PLXNA2: variants seen among roughly 807,000 people sequenced by gnomAD.
The protein encoded by PLXNA2 is plexin A2, also known as plexin-A2.
PLXNA2 carries 91 observed loss-of-function variants against 193.5 expected under a neutral mutation model. The observed-to-expected ratio is 0.47, with a 90% CI of 0.40 to 0.56. PLXNA2 has a LOEUF of 0.56. Ranked by LOEUF, PLXNA2 falls within the 20% of genes least tolerant of loss-of-function variation. The pLI is 0.00. For missense variants in PLXNA2, 1,995 were observed against 2,503.2 expected (o/e 0.80, Z 4.33); for synonymous variants, 997 against 1,027.3 (o/e 0.97, Z 0.56).
Position 208,234,572 on chromosome 1 carries a change from C to T in PLXNA2, c.-81+9071G>A, listed in dbSNP as rs568024545. Among the ~76,000 whole-genome samples, 27 of 152,234 alleles carry T rather than the reference C, an allele frequency of 1.8e-4. No individual in the cohort carries two copies. The South Asian group carries it at 3.7e-3, about 21-fold the overall frequency. On this transcript the variant is annotated intron_variant, in intron 1 of 31. Transcript: ENST00000367033. ...CCCAGACATCCTGCTAGGTTTTGAC[C>T]GATGATCAGTGCTACCAAGGATCTG...
intron 8 of PLXNA2, 125 bp downstream of exon 8, chr1:208,095,904 C>T (rs940226023): frequency 4.1e-6 from 3 of 735,378 alleles, no homozygotes; most frequent in African/African-American, 3.5e-5. Context: ...AAGTGTCAGG[C>T]CCCATGGGGA....
At chr1:208,043,481 A>G (rs1238768589) in intron 20 of PLXNA2, among the ~76,000 whole-genome samples, 2 of 152,228 alleles carry the variant, frequency 1.3e-5, no homozygotes, top group African/African-American at 4.8e-5. Flanking sequence ...AAAAAGTATC[A>G]TGATTGGGCC....
At chr1:208,221,836 T>C (rs569924279) in intron 1 of PLXNA2, among the ~76,000 whole-genome samples, 2 of 152,298 alleles carry the variant, frequency 1.3e-5, no homozygotes, top group Admixed American at 1.3e-4. Flanking sequence ...ATGCATGAGC[T>C]CTGAACTTAG....
At chr1:208,230,525 G>GGAGGAGAA (rs1198573461) in intron 1 of PLXNA2, 1 of 152,460 alleles carries the variant, frequency 6.6e-6, no homozygotes, top group Non-Finnish European at 1.5e-5. Flanking sequence ...GTCCTGAGGA[G>GGAGGAGAA]GAGGAGAAGA....
intron 4 of PLXNA2, among the ~76,000 whole-genome samples, chr1:208,141,927 T>C (rs1387122907): frequency 6.6e-6 from 1 of 152,236 alleles, no homozygotes; most frequent in Non-Finnish European, 1.5e-5. Context: ...TGGGGCCCTG[T>C]CTTGGGTCTG....
chr1:208,223,861 T>C (rs1671426299), intron 1 of PLXNA2, among the ~76,000 whole-genome samples: 2 of 152,196 alleles, frequency 1.3e-5, no homozygotes, highest in Non-Finnish European at 2.9e-5. Flanking sequence ...TTTTCTGATA[T>C]TGAATTTTCC....
intron 4 of PLXNA2, among the ~76,000 whole-genome samples, chr1:208,132,495 T>A (rs1230269085): frequency 6.6e-6 from 1 of 152,196 alleles, no homozygotes; most frequent in East Asian, 1.9e-4. Flanking sequence ...ATTTCAGTTT[T>A]GTTATCTGTT....
intron 12 of PLXNA2, among the ~76,000 whole-genome samples, chr1:208,074,542 G>A (rs1666083965): frequency 6.6e-6 from 1 of 152,212 alleles, no homozygotes; most frequent in African/African-American, 2.4e-5. Flanking sequence ...TCTACATGAA[G>A]CTGCCATAAA....
chr1:208,124,185 A>G (rs536030624), intron 4 of PLXNA2, among the ~76,000 whole-genome samples: 1 of 152,248 alleles, frequency 6.6e-6, no homozygotes, highest in East Asian at 1.9e-4. Flanking sequence ...CATGAACACA[A>G]AGAAGGGAAC....
chr1:208,195,081 G>C (rs1361643014), intron 3 of PLXNA2, among the ~76,000 whole-genome samples: 1 of 152,194 alleles, frequency 6.6e-6, no homozygotes, highest in Non-Finnish European at 1.5e-5. Flanking sequence ...GAAGAGGTAG[G>C]GGTGGGTGTC....
chr1:208,131,542 A>G (rs1668154108), intron 4 of PLXNA2, among the ~76,000 whole-genome samples: 1 of 152,174 alleles, frequency 6.6e-6, no homozygotes, highest in South Asian at 2.1e-4. Context: ...CTGGGGTGTC[A>G]TTCCGGGGCC....
intron 12 of PLXNA2, among the ~76,000 whole-genome samples, chr1:208,075,268 C>G (rs190931620): frequency 8.2e-4 from 124 of 151,716 alleles, no homozygotes; most frequent in African/African-American, 3.0e-3. Flanking sequence ...CAAGATCACA[C>G]CACTGCACTT....
At chr1:208,227,737 C>T (rs1671557622) in intron 1 of PLXNA2, among the ~76,000 whole-genome samples, 2 of 152,132 alleles carry the variant, frequency 1.3e-5, no homozygotes, top group Non-Finnish European at 2.9e-5. Context: ...AGCTTGGCAG[C>T]CGCCTTTCAG....
At chr1:208,092,266 G>C (rs1034035669) in intron 9 of PLXNA2, among the ~76,000 whole-genome samples, 2 of 152,220 alleles carry the variant, frequency 1.3e-5, no homozygotes, top group African/African-American at 4.8e-5. Context: ...AGCAATGCCT[G>C]GTTCTTTTCA....
intron 12 of PLXNA2, among the ~76,000 whole-genome samples, chr1:208,063,224 T>C (rs1665673149): frequency 6.6e-6 from 1 of 152,224 alleles, no homozygotes. Context: ...CCTAAAAATA[T>C]TTCTGTCTTG....
chr1:208,182,042 C>T (rs1206584782), intron 3 of PLXNA2, among the ~76,000 whole-genome samples: 2 of 33,984 alleles, frequency 5.9e-5, no homozygotes, highest in African/African-American at 1.6e-4. Flanking sequence ...GTGGCCTGTT[C>T]AGTCTAGCTC....
At chr1:208,072,859 G>T (rs1175874977) in intron 12 of PLXNA2, among the ~76,000 whole-genome samples, 1 of 152,146 alleles carries the variant, frequency 6.6e-6, no homozygotes. Context: ...AATTTATCTG[G>T]CATCTCTTGG....
intron 4 of PLXNA2, 120 bp from the exon 5 acceptor site, chr1:208,103,367 G>A: frequency 1.4e-6 from 1 of 725,184 alleles, no homozygotes; most frequent in Non-Finnish European, 2.2e-6. Context: ...AGGTGATACT[G>A]GGCGGCAAGT....
At chr1:208,141,014 G>A (rs531179588) in intron 4 of PLXNA2, among the ~76,000 whole-genome samples, 1 of 152,230 alleles carries the variant, frequency 6.6e-6, no homozygotes, top group African/African-American at 2.4e-5. Flanking sequence ...ACCCACTCTA[G>A]GTTAGGCAAA....
Sources: allele counts gnomAD v4.1 joint callset (sites outside exome capture counted in the v4.1 genomes callset), GRCh38; gene constraint gnomAD v4.1.1; transcripts MANE v1.5; gene names NCBI Gene and HGNC (gene_info 2026-07-23, HGNC 2026-07-21).